Variants in CDKN3 observed in about 807,000 individuals in gnomAD.
CDKN3 encodes the protein cyclin-dependent kinase inhibitor 3.
In CDKN3, 19 loss-of-function variants were observed where a neutral mutation model predicts 36.1. The observed-to-expected ratio is 0.53, with a 90% CI of 0.37 to 0.77. The LOEUF (loss-of-function observed/expected upper bound fraction) is 0.77, where lower values mean the gene tolerates loss of function less well. CDKN3 is among the 30% of genes least tolerant of loss of function. The probability of loss-of-function intolerance (pLI) is 0.00; values close to 1 mark genes in which losing one functional copy is unlikely to be tolerated. For missense variants in CDKN3, 188 were observed against 248.6 expected (o/e 0.76, Z 1.64); for synonymous variants, 71 against 85.3 (o/e 0.83, Z 0.92).
At chr14:54,408,872 A>G in intron 4 of CDKN3, 83 bp downstream of exon 4, 2 of 1,443,428 alleles carry the variant, frequency 1.4e-6, no homozygotes, top group Non-Finnish European at 1.8e-6. Context: ...AGAACAAATC[A>G]GTTTTTTTTT....
chr14:54,397,646 C>A (rs1886349516), intron 1 of CDKN3, among the ~76,000 whole-genome samples: 2 of 152,234 alleles, frequency 1.3e-5, no homozygotes, highest in Non-Finnish European at 2.9e-5. Context: ...ATTAATAAAC[C>A]TGGTGAATGG....
At chr14:54,403,480 T>G (rs188667991) in intron 3 of CDKN3, among the ~76,000 whole-genome samples, 1 of 152,376 alleles carries the variant, frequency 6.6e-6, no homozygotes, top group East Asian at 1.9e-4. Flanking sequence ...TCATGTCATC[T>G]GTAAAAAGAG....
intron 2 of CDKN3, among the ~76,000 whole-genome samples, chr14:54,400,214 A>C (rs1346205622): frequency 7.1e-6 from 1 of 140,706 alleles, no homozygotes; most frequent in East Asian, 2.1e-4. Flanking sequence ...TATACATTCT[A>C]ACTCCATGAT....
intron 5 of CDKN3, 46 bp from the exon 6 acceptor site, chr14:54,415,853 G>A: frequency 1.4e-6 from 2 of 1,438,504 alleles, no homozygotes; most frequent in South Asian, 2.3e-5. Flanking sequence ...TTGTAACTAG[G>A]GATGGAATGA....
intron 5 of CDKN3, chr14:54,414,280 AC>A (rs1187986469): frequency 6.6e-6 from 1 of 152,230 alleles, no homozygotes; most frequent in Non-Finnish European, 1.5e-5. Flanking sequence ...CGTGTACCAC[AC>A]GCCAAGACTA....
chr14:54,413,730 A>G, intron 5 of CDKN3: 1 of 1,529,416 alleles, frequency 6.5e-7, no homozygotes, highest in Non-Finnish European at 8.7e-7. Flanking sequence ...AACCTTTTTC[A>G]CTGACCTGTT....
intron 3 of CDKN3, among the ~76,000 whole-genome samples, chr14:54,404,178 G>A (rs1318624463): frequency 1.3e-5 from 2 of 151,974 alleles, no homozygotes; most frequent in Admixed American, 1.3e-4. Flanking sequence ...GGCTTTTTTT[G>A]GTTGGTAGGC....
chr14:54,417,802 C>A, intron 6 of CDKN3, 46 bp from the exon 7 acceptor site: 1 of 1,039,848 alleles, frequency 9.6e-7, no homozygotes, highest in East Asian at 2.6e-5. Flanking sequence ...TGTACCCTGT[C>A]ACTAGTTATT....
At chr14:54,404,058 G>C (rs2081954721) in intron 3 of CDKN3, among the ~76,000 whole-genome samples, 1 of 152,204 alleles carries the variant, frequency 6.6e-6, no homozygotes, top group African/African-American at 2.4e-5. Context: ...CATAAAATGA[G>C]TTAGGGAGGA....
At chr14:54,413,582 A>G in intron 5 of CDKN3, 2 of 1,478,566 alleles carry the variant, frequency 1.4e-6, no homozygotes, top group South Asian at 2.4e-5. Context: ...AGCATCTGAC[A>G]ACTGGCATTT....
intron 3 of CDKN3, 96 bp from the exon 4 acceptor site, chr14:54,408,649 G>A (rs1594604048): frequency 1.6e-6 from 2 of 1,262,294 alleles, no homozygotes; most frequent in East Asian, 5.5e-5. Context: ...ATGATTACGT[G>A]AAATGACTTT....
Position 54,397,042 on chromosome 14 carries a change from A to G in CDKN3, c.-27A>G. 1 of 1,489,508 alleles carries G rather than the reference A, an allele frequency of 6.7e-7. No individual in the cohort carries two copies. The highest frequency in any genetic ancestry group is 1.4e-5 in the African/African-American group (1 of 69,402). 92.3% of individuals were successfully genotyped at this position (1,489,508 alleles called of 1,614,324 possible). The stretch of plus-strand genomic sequence containing the variant: ...CGCCGGCGCTGCAGAGGGAGGCGGC[A>G]CTGGTCTCGACGTGGGGCGGCCAGC... On this transcript the variant is annotated 5_prime_UTR_variant, in exon 1 of 8. Coordinates refer to ENST00000335183, the MANE Select transcript of CDKN3 (RefSeq NM_005192.4).
chr14:54,418,830 A>T (rs1566711869), intron 7 of CDKN3, among the ~76,000 whole-genome samples: 1 of 151,706 alleles, frequency 6.6e-6, no homozygotes, highest in African/African-American at 2.4e-5. Context: ...ACTCCACTGT[A>T]CAGGTCTGAA....
chr14:54,405,287 G>A (rs1440876254), intron 3 of CDKN3, among the ~76,000 whole-genome samples: 1 of 152,158 alleles, frequency 6.6e-6, no homozygotes, highest in Non-Finnish European at 1.5e-5. Flanking sequence ...GAATAAGTGC[G>A]ATGTGGTGCT....
At chr14:54,416,966 G>A (rs1480950355) in intron 6 of CDKN3, among the ~76,000 whole-genome samples, 6 of 152,162 alleles carry the variant, frequency 3.9e-5, no homozygotes, top group African/African-American at 1.4e-4. Flanking sequence ...ATGCAAATCA[G>A]AACCACAGTG....
chr14:54,414,391 T>G (rs1203860371), intron 5 of CDKN3, among the ~76,000 whole-genome samples: 1 of 152,014 alleles, frequency 6.6e-6, no homozygotes, highest in African/African-American at 2.4e-5. Flanking sequence ...AATGATCCTT[T>G]CTGTAGGAGC....
At chr14:54,404,419 T>C (rs1161017669) in intron 3 of CDKN3, among the ~76,000 whole-genome samples, 1 of 152,084 alleles carries the variant, frequency 6.6e-6, no homozygotes, top group East Asian at 1.9e-4. Flanking sequence ...TTTTTTATTG[T>C]GTCTATTTGA....
At chr14:54,412,908 A>G (rs1194572165) in intron 5 of CDKN3, 4 of 513,474 alleles carry the variant, frequency 7.8e-6, no homozygotes, top group South Asian at 5.7e-5. Context: ...TTGAGCTAGA[A>G]GTATAGAAAT....
intron 4 of CDKN3, 61 bp downstream of exon 4, chr14:54,408,850 T>C: frequency 2.0e-6 from 3 of 1,482,634 alleles, no homozygotes; most frequent in Non-Finnish European, 2.7e-6. Flanking sequence ...ATTGAAAAAC[T>C]CTCTGTCAAA....
Sources: allele counts gnomAD v4.1 joint callset (sites outside exome capture counted in the v4.1 genomes callset), GRCh38; gene constraint gnomAD v4.1.1; transcripts MANE v1.5; gene names NCBI Gene and HGNC (gene_info 2026-07-23, HGNC 2026-07-21).